Variants in EXOC2 observed in about 807,000 individuals in gnomAD.
The protein encoded by EXOC2 is SEC5-like 1.
A neutral mutation model predicts 131.8 loss-of-function variants in EXOC2; 70 were observed. That is an observed-to-expected ratio of 0.53 (90% CI 0.44 to 0.65). The LOEUF (loss-of-function observed/expected upper bound fraction) is 0.65, where lower values mean the gene tolerates loss of function less well. Among genes scored for constraint, EXOC2 ranks in the 30% least tolerant of loss-of-function variants. The pLI, the probability that EXOC2 is intolerant of heterozygous loss-of-function variation, is 0.00. For synonymous variants in EXOC2, 411 were observed against 398.4 expected, an observed-to-expected ratio of 1.03 and a Z score of -0.38; for missense variants, 923 against 1,108.6, an observed-to-expected ratio of 0.83 and a Z score of 2.38.
intron 23 of EXOC2, among the ~76,000 whole-genome samples, chr6:522,209 G>C (rs1012629249): frequency 3.3e-5 from 5 of 152,240 alleles, no homozygotes; most frequent in Non-Finnish European, 2.9e-5. Context: ...CTGTGAGCTG[G>C]GCTGGTCTTA....
At chr6:598,686 G>A (rs527790904) in intron 9 of EXOC2, among the ~76,000 whole-genome samples, 174 bp downstream of exon 9, 281 of 152,280 alleles carry the variant, frequency 1.8e-3, no homozygotes, top group African/African-American at 6.4e-3. Flanking sequence ...CATTTTCACT[G>A]CGTATCAAAT....
intron 25 of EXOC2, among the ~76,000 whole-genome samples, chr6:494,765 G>C (rs769307598): frequency 6.6e-6 from 1 of 152,168 alleles, no homozygotes; most frequent in African/African-American, 2.4e-5. Context: ...TGCTGTATCA[G>C]TAATTTATTC....
intron 1 of EXOC2, among the ~76,000 whole-genome samples, chr6:688,688 T>C (rs1199538713): frequency 1.3e-5 from 2 of 152,164 alleles, no homozygotes; most frequent in East Asian, 1.9e-4. Context: ...ACTTTCTCCT[T>C]CTGTCCTTTC....
At chr6:568,702 T>C (rs1758111124) in intron 13 of EXOC2, among the ~76,000 whole-genome samples, 2 of 152,184 alleles carry the variant, frequency 1.3e-5, no homozygotes, top group African/African-American at 2.4e-5. Flanking sequence ...GCTTGTATCC[T>C]CCACAGTACC....
At chr6:507,827 G>C (rs1477321866) in intron 23 of EXOC2, among the ~76,000 whole-genome samples, 2 of 152,090 alleles carry the variant, frequency 1.3e-5, no homozygotes, top group Non-Finnish European at 2.9e-5. Context: ...TTAATAATTT[G>C]GAGAAACCTC....
At chr6:567,234 G>A (rs907305835) in intron 13 of EXOC2, among the ~76,000 whole-genome samples, 1 of 152,170 alleles carries the variant, frequency 6.6e-6, no homozygotes, top group African/African-American at 2.4e-5. Context: ...CACTGCTCAG[G>A]ACGCTTCTTC....
At position 571,975 on chromosome 6, in the gene EXOC2, G is replaced by T. The variant is rs113482270; in HGVS notation, c.1443+545C>A. On this transcript the variant is annotated intron_variant, in intron 13 of 27. Transcript: ENST00000230449. ...ATGCTATCAGTCATATGATGATGAAGATACTAAAGCATTAATAAATGTGTG... is the reference window on the plus strand; with the variant it reads ...ATGCTATCAGTCATATGATGATGAATATACTAAAGCATTAATAAATGTGTG... Among the ~76,000 whole-genome samples the T allele has an allele frequency of 2.1e-3, 327 of 152,344 alleles. 1 individual carries two copies. The highest frequency in any genetic ancestry group is 7.3e-3 in the African/African-American group (305 of 41,572).
At chr6:636,140 C>T (rs1561953771) in intron 2 of EXOC2, among the ~76,000 whole-genome samples, 1 of 152,230 alleles carries the variant, frequency 6.6e-6, no homozygotes, top group Non-Finnish European at 1.5e-5. Flanking sequence ...GAAGCTCAAA[C>T]AAGATTAAAA....
intron 23 of EXOC2, among the ~76,000 whole-genome samples, chr6:500,557 A>T (rs757646428): frequency 2.0e-4 from 31 of 152,200 alleles, no homozygotes; most frequent in Non-Finnish European, 3.2e-4. Flanking sequence ...ATGAAGGGGG[A>T]TGCATGCCAT....
rs919550298 is a variant in EXOC2, at chr6:605,119, A to G, written c.742+4979T>C. ...AATAAATGCTTACAGAGGAAGGACT[A>G]AAAATTGCTGTCTGAATCAATGACC... On this transcript the variant is annotated intron_variant, in intron 7 of 27. Coordinates refer to ENST00000230449, the MANE Select transcript of EXOC2 (RefSeq NM_018303.6). Among the ~76,000 whole-genome samples the G allele has an allele frequency of 2.8e-4, 43 of 152,362 alleles. 1 individual carries two copies. The highest frequency in any genetic ancestry group is 1.7e-3 in the South Asian group (8 of 4,828).
intron 23 of EXOC2, among the ~76,000 whole-genome samples, chr6:514,793 C>A (rs548893570): frequency 6.6e-6 from 1 of 152,342 alleles, no homozygotes; most frequent in East Asian, 1.9e-4. Flanking sequence ...AGAGAACCAG[C>A]AGGCAGGCCC....
chr6:576,312 T>C (rs1758574393), intron 12 of EXOC2, among the ~76,000 whole-genome samples: 1 of 152,220 alleles, frequency 6.6e-6, no homozygotes, highest in South Asian at 2.1e-4. Flanking sequence ...ATGCTTCATC[T>C]TAGGAAAAAT....
chr6:596,337 C>T (rs1759819117), intron 10 of EXOC2, among the ~76,000 whole-genome samples: 1 of 151,838 alleles, frequency 6.6e-6, no homozygotes, highest in Non-Finnish European at 1.5e-5. Flanking sequence ...CACTTGCACA[C>T]ACAGCAGCTT....
At position 656,208 on chromosome 6, in the gene EXOC2, T is replaced by C; in HGVS notation, c.-43-18347A>G. 2 of 1,614,202 alleles carry C rather than the reference T, an allele frequency of 1.2e-6. No homozygotes were observed. The highest frequency in any genetic ancestry group is 1.7e-6 in the Non-Finnish European group (2 of 1,180,020). On this transcript the variant is annotated intron_variant, in intron 1 of 27. Transcript: ENST00000230449. ...AATATTGCACAGGGCCGTCGTAGGA[T>C]GTATTTGCTGTCCCTCCAAAAACTG...
chr6:502,010 C>T lies in EXOC2; in HGVS notation c.2381-2310G>A, dbSNP rs770463912. Among the ~76,000 whole-genome samples, 8 of 152,230 alleles carry T rather than the reference C, an allele frequency of 5.3e-5. No individual in the cohort carries two copies. In the East Asian group the frequency reaches 5.8e-4, roughly 11 times the overall value. On this transcript the variant is annotated intron_variant, in intron 23 of 27. Coordinates refer to ENST00000230449, the MANE Select transcript of EXOC2 (RefSeq NM_018303.6). ...CCCCCCGGTGTCCCCAGACTGCTCC[C>T]GCTGCTGTGGGGGCACTGGGGCCTG...
intron 21 of EXOC2, among the ~76,000 whole-genome samples, chr6:550,829 T>A (rs1231789598): frequency 7.9e-5 from 12 of 152,236 alleles, no homozygotes; most frequent in Non-Finnish European, 1.5e-5. Flanking sequence ...GTTGCTCAGT[T>A]TTGAAAATCA....
chr6:681,023 G>T (rs538731200), intron 1 of EXOC2, among the ~76,000 whole-genome samples: 5 of 152,330 alleles, frequency 3.3e-5, no homozygotes, highest in Admixed American at 1.3e-4. Flanking sequence ...ATAAGATGCG[G>T]CTTCTGAGAG....
chr6:576,239 A>G (rs1044968878), intron 12 of EXOC2, among the ~76,000 whole-genome samples: 4 of 152,204 alleles, frequency 2.6e-5, no homozygotes, highest in Non-Finnish European at 5.9e-5. Context: ...TTGTATCTCA[A>G]ATAGGAAAAT....
intron 19 of EXOC2, 41 bp downstream of exon 19, chr6:555,913 T>A (rs1478326203): frequency 2.9e-5 from 46 of 1,586,620 alleles, no homozygotes; most frequent in Non-Finnish European, 3.9e-5. Flanking sequence ...TGACACTTAG[T>A]ATTATTTGAG....
Sources: allele counts gnomAD v4.1 joint callset (sites outside exome capture counted in the v4.1 genomes callset), GRCh38; gene constraint gnomAD v4.1.1; transcripts MANE v1.5; gene names NCBI Gene and HGNC (gene_info 2026-07-23, HGNC 2026-07-21).